The following BCO2 variants were observed in gnomAD, a reference collection of about 807,000 sequenced individuals.
BCO2 encodes carotenoid-cleaving dioxygenase, mitochondrial.
Under a neutral mutation model 65.8 loss-of-function variants are expected in BCO2, and 56 were observed. The observed-to-expected ratio is 0.85, with a 90% confidence interval of 0.69 to 1.06. BCO2 has a LOEUF of 1.06. Ranked by LOEUF, BCO2 falls within the 50% of genes least tolerant of loss-of-function variation. The pLI is 0.00. For synonymous variants in BCO2, 233 were observed against 242.3 expected, an observed-to-expected ratio of 0.96 and a Z score of 0.36; for missense variants, 675 against 698.5, an observed-to-expected ratio of 0.97 and a Z score of 0.38.
intron 2 of BCO2, among the ~76,000 whole-genome samples, chr11:112,185,298 TG>T (rs1867168233): frequency 6.6e-6 from 1 of 152,206 alleles, no homozygotes; most frequent in Non-Finnish European, 1.5e-5. Context: ...TAATGTATAC[TG>T]CATTAATAAA....
chr11:112,207,519 G>C (rs1859380364), intron 8 of BCO2, among the ~76,000 whole-genome samples: 1 of 152,172 alleles, frequency 6.6e-6, no homozygotes, highest in South Asian at 2.1e-4. Context: ...TGTATATTCT[G>C]TTCCATTGTT....
At chr11:112,196,869 C>T (rs1302902869) in intron 5 of BCO2, among the ~76,000 whole-genome samples, 1 of 151,636 alleles carries the variant, frequency 6.6e-6, no homozygotes, top group Non-Finnish European at 1.5e-5. Context: ...TCCTCCTCCT[C>T]CTCCTTCTCT....
At chr11:112,182,844 T>A (rs112258023) in intron 2 of BCO2, 8 of 623,330 alleles carry the variant, frequency 1.3e-5, no homozygotes, top group East Asian at 3.1e-5. Flanking sequence ...CTAGAACTTA[T>A]ATATATATAA....
chr11:112,193,436 T>G (rs1303981390), intron 2 of BCO2, 38 bp from the exon 3 acceptor site: 1 of 1,559,578 alleles, frequency 6.4e-7, no homozygotes. Context: ...TATCTCATGT[T>G]TTCTTACTGA....
intron 2 of BCO2, among the ~76,000 whole-genome samples, chr11:112,185,702 G>T (rs571689339): frequency 1.3e-5 from 2 of 152,026 alleles, no homozygotes; most frequent in Admixed American, 6.5e-5. Context: ...AAGTCTGAAC[G>T]ATCATTATTT....
intron 2 of BCO2, among the ~76,000 whole-genome samples, chr11:112,180,354 A>G (rs886348400): frequency 5.3e-5 from 8 of 152,108 alleles, no homozygotes; most frequent in African/African-American, 1.9e-4. Flanking sequence ...ATAATTACCT[A>G]TTTTAATTCT....
rs45502502 is a variant in BCO2, at chr11:112,202,629, G to A, written c.1194+439G>A. Reference sequence around the variant, plus strand: ...TCTCCTTGTGGCAAATAATGAGAGAGAGTAGTTTTAAAGCATTGAAGACAC... The same window carrying A: ...TCTCCTTGTGGCAAATAATGAGAGAAAGTAGTTTTAAAGCATTGAAGACAC... On this transcript the variant is annotated intron_variant, in intron 8 of 11. Coordinates refer to ENST00000357685, the MANE Select transcript of BCO2 (RefSeq NM_031938.7). Among the ~76,000 whole-genome samples, 942 of 152,232 alleles carry A rather than the reference G, an allele frequency of 6.2e-3. 8 individuals are homozygous for A. Among genetic ancestry groups the A allele is most frequent in the Middle Eastern group, 0.014 (4 of 294 alleles).
chr11:112,180,446 A>T (rs2115763), intron 2 of BCO2, among the ~76,000 whole-genome samples: 40,637 of 152,116 alleles, frequency 0.27, 6,429 homozygotes, highest in South Asian at 0.54. Flanking sequence ...ATGTAATTTG[A>T]TGAGGGTAGA....
At chr11:112,206,757 G>GA (rs1859353306) in intron 8 of BCO2, among the ~76,000 whole-genome samples, 1 of 152,010 alleles carries the variant, frequency 6.6e-6, no homozygotes, top group South Asian at 2.1e-4. Context: ...TTTTTGCAAG[G>GA]AAAAAACCTG....
At chr11:112,194,148 C>T (rs1008251520) in intron 4 of BCO2, 154 bp downstream of exon 4, 7 of 588,614 alleles carry the variant, frequency 1.2e-5, no homozygotes, top group Non-Finnish European at 2.1e-5. Flanking sequence ...TACTCTCTGG[C>T]CTGATGGCCT....
At chr11:112,199,962 C>A in intron 6 of BCO2, 135 bp downstream of exon 6, 1 of 1,040,406 alleles carries the variant, frequency 9.6e-7, no homozygotes, top group South Asian at 1.8e-5. Flanking sequence ...CATTTTGATG[C>A]CAGGTAAGGT....
At chr11:112,192,236 A>G (rs190000229) in intron 2 of BCO2, among the ~76,000 whole-genome samples, 24 of 152,334 alleles carry the variant, frequency 1.6e-4, no homozygotes, top group African/African-American at 5.3e-4. Context: ...TCAATGGTTC[A>G]TTCATGTTGT....
intron 9 of BCO2, among the ~76,000 whole-genome samples, chr11:112,214,256 C>T (rs58543066): frequency 0.13 from 19,211 of 152,146 alleles, 1,428 homozygotes; most frequent in East Asian, 0.39. Context: ...AAGCAATTCT[C>T]CTGCCTCAGC....
chr11:112,213,398 C>T (rs1859568834), intron 8 of BCO2, among the ~76,000 whole-genome samples: 2 of 151,944 alleles, frequency 1.3e-5, no homozygotes, highest in Non-Finnish European at 2.9e-5. Flanking sequence ...CTGCCTTGGC[C>T]TCCCAAAGTG....
intron 8 of BCO2, among the ~76,000 whole-genome samples, chr11:112,211,342 A>G (rs2135393375): frequency 6.9e-6 from 1 of 145,564 alleles, no homozygotes; most frequent in Non-Finnish European, 1.5e-5. Flanking sequence ...ACACACACAC[A>G]CACACACACA....
At position 112,218,560 on chromosome 11, in the gene BCO2, G is replaced by T; in HGVS notation, c.*686G>T. 4.2e-6 allele frequency: 1 copy of T among 237,304 alleles called. No individual in the cohort carries two copies. The allele number at this position is 237,304 out of a possible 1,614,324, so 14.7% of individuals were successfully genotyped here. Reference sequence around the variant, plus strand: ...TGAACACCAACTCACCCTAATTAAGGTTGATGACAACAAGAAACCAGAGGA... The same window carrying T: ...TGAACACCAACTCACCCTAATTAAGTTTGATGACAACAAGAAACCAGAGGA... On this transcript the variant is annotated 3_prime_UTR_variant, in exon 12 of 12. Coordinates refer to ENST00000357685, the MANE Select transcript of BCO2 (RefSeq NM_031938.7).
At chr11:112,185,622 A>G (rs1290930616) in intron 2 of BCO2, among the ~76,000 whole-genome samples, 1 of 152,142 alleles carries the variant, frequency 6.6e-6, no homozygotes, top group Non-Finnish European at 1.5e-5. Context: ...TTACAGTTAT[A>G]TGTAGTATTT....
rs112560366 is a variant in BCO2 at position 112,202,426 on chromosome 11, G to A, written c.1194+236G>A. ...GCCTCCCGGGTAGCTGGGATTATAG[G>A]CACGCACCACCATGCCCTGCTAATT... On this transcript the variant is annotated intron_variant, in intron 8 of 11. Coordinates refer to ENST00000357685, the MANE Select transcript of BCO2 (RefSeq NM_031938.7). Among the ~76,000 whole-genome samples the A allele has an allele frequency of 5.1e-3, 777 of 152,160 alleles. 8 individuals carry two copies. Among genetic ancestry groups the A allele is most frequent in the African/African-American group, 0.018 (744 of 41,536 alleles).
At chr11:112,184,407 C>T (rs1278414797) in intron 2 of BCO2, among the ~76,000 whole-genome samples, 1 of 152,142 alleles carries the variant, frequency 6.6e-6, no homozygotes, top group African/African-American at 2.4e-5. Context: ...TGCCCGCCAC[C>T]ACGCCTGGCT....
Sources: allele counts gnomAD v4.1 joint callset (sites outside exome capture counted in the v4.1 genomes callset), GRCh38; gene constraint gnomAD v4.1.1; transcripts MANE v1.5; gene names NCBI Gene and HGNC (gene_info 2026-07-23, HGNC 2026-07-21).